The following DST variants were observed in gnomAD, a reference collection of about 807,000 sequenced individuals.
DST encodes dystonin.
A neutral mutation model predicts 875.2 loss-of-function variants in DST; 253 were observed. The observed-to-expected ratio is 0.29, with a 90% CI of 0.26 to 0.32. DST has a LOEUF of 0.32. DST is among the 10% of genes least tolerant of loss of function. The probability of loss-of-function intolerance (pLI) is 1.00; values close to 1 mark genes in which losing one functional copy is unlikely to be tolerated. For missense variants in DST, 8,287 were observed against 9,111.6 expected, an observed-to-expected ratio of 0.91 and a Z score of 3.68; for synonymous variants, 3,124 against 3,197.1, an observed-to-expected ratio of 0.98 and a Z score of 0.77.
Position 56,632,911 on chromosome 6 carries a change from T to C in DST, c.3748A>G (p.Lys1250Glu). 1 of 1,614,008 alleles carries C rather than the reference T, an allele frequency of 6.2e-7. No individual in the cohort carries two copies. Among genetic ancestry groups the C allele is most frequent in the Non-Finnish European group, 8.5e-7 (1 of 1,179,950 alleles). ...TACTGCTTACATACATTAACCTCCT[T>C]TTCCAGTTGTGTTATATCTGAGCCT... is the stretch of plus-strand genomic sequence containing the variant. ...FSGSDITQLE[K>E]EVNVCKQYYQ... is the part of the protein sequence containing the mutation. Residue 1250 changes from lysine to glutamate, a missense_variant, in exon 28 of 104, where the codon AAG (lysine) becomes GAG (glutamate). Lys to Glu is a moderately conservative substitution (Grantham distance 56, BLOSUM62 1). Around this residue, in one of 10 missense-constraint regions of DST, gnomAD observed 3,138 missense variants for 3,116.6 expected, o/e 1.01. Transcript: ENST00000680361.
rs1269995873 is a variant in DST at position 56,472,333 on chromosome 6, A to G, written c.21995-111T>C. Reference sequence around the variant, plus strand: ...ACTGCATCAACTTAATTACGTGTTTACGCAAGTAAAAGTATCCTAATTTAG... The same window carrying G: ...ACTGCATCAACTTAATTACGTGTTTGCGCAAGTAAAAGTATCCTAATTTAG... On this transcript the variant is annotated intron_variant, in intron 93 of 103. Transcript: ENST00000680361. The G allele has an allele frequency of 7.3e-6, 7 of 958,740 alleles. No individual in the cohort carries two copies. In the East Asian group the frequency reaches 1.9e-4, roughly 25 times the overall value. The allele number at this position is 958,740 out of a possible 1,614,324, so 59.4% of individuals were successfully genotyped here.
intron 13 of DST, 141 bp downstream of exon 13, chr6:56,648,429 G>A (rs74526825): frequency 1.6e-6 from 1 of 626,538 alleles, no homozygotes; most frequent in Middle Eastern, 4.3e-4. Context: ...TAAGAGAAAT[G>A]AGTAATACAA....
chr6:56,532,816 T>C (rs1009050763), intron 63 of DST, among the ~76,000 whole-genome samples: 2 of 152,150 alleles, frequency 1.3e-5, no homozygotes, highest in African/African-American at 2.4e-5. Context: ...ATAACTCCAA[T>C]GAATCATGAA....
chr6:56,717,688 A>G (rs1345312828), intron 5 of DST, among the ~76,000 whole-genome samples: 2 of 151,970 alleles, frequency 1.3e-5, no homozygotes, highest in African/African-American at 4.8e-5. Context: ...GAACCCACCA[A>G]TTACTATTTT....
chr6:56,894,617 G>A (rs1449762756), intron 3 of DST, among the ~76,000 whole-genome samples: 1 of 40,104 alleles, frequency 2.5e-5, no homozygotes, highest in Non-Finnish European at 4.4e-5. Flanking sequence ...GGGCAGAGGC[G>A]CCCCTCACCT....
At chr6:56,660,202 T>G (rs542624533) in intron 10 of DST, among the ~76,000 whole-genome samples, 43 of 152,332 alleles carry the variant, frequency 2.8e-4, no homozygotes, top group African/African-American at 9.9e-4. Flanking sequence ...TATCGCTTTC[T>G]CTGGTGTGCT....
chr6:56,533,690 G>T (rs2096939102), intron 63 of DST, among the ~76,000 whole-genome samples: 1 of 152,102 alleles, frequency 6.6e-6, no homozygotes, highest in African/African-American at 2.4e-5. Flanking sequence ...CATGACTCTG[G>T]GAGTTAACTT....
chr6:56,637,970 A>G (rs1273355863), intron 22 of DST, among the ~76,000 whole-genome samples: 1 of 152,022 alleles, frequency 6.6e-6, no homozygotes, highest in Non-Finnish European at 1.5e-5. Context: ...AAGATGTATC[A>G]TATTTTTTTC....
At chr6:56,930,142 T>C (rs1809385905) in intron 2 of DST, among the ~76,000 whole-genome samples, 2 of 152,244 alleles carry the variant, frequency 1.3e-5, no homozygotes, top group African/African-American at 4.8e-5. Context: ...AGGAAGGTGA[T>C]GATGGTTTGC....
rs112640831 is a variant in DST at position 56,629,273 on chromosome 6, A to G, written c.4452T>C (p.Asn1484=). Residue 1484 remains asparagine (N), a synonymous_variant, in exon 32 of 104, where the codon AAT becomes AAC. Transcript: ENST00000680361. The part of the protein sequence containing the change: ...KADQLVERWQ[N]VHVQIDNRLR... Reference sequence around the variant, plus strand: ...ACCTGTTGTCAATCTGCACATGAACATTTTGCCACCTTTCAACTAATTGAT... The same window carrying G: ...ACCTGTTGTCAATCTGCACATGAACGTTTTGCCACCTTTCAACTAATTGAT... The G allele has an allele frequency of 0.038, 61,188 of 1,613,664 alleles. 1,448 individuals are homozygous for G. The highest frequency in any genetic ancestry group is 0.045 in the Non-Finnish European group (53,450 of 1,179,682).
intron 64 of DST, 78 bp from the exon 65 acceptor site, chr6:56,530,211 C>T: frequency 8.8e-7 from 1 of 1,140,772 alleles, no homozygotes. Context: ...CATGCTCTTG[C>T]AATCTATTCT....
intron 61 of DST, among the ~76,000 whole-genome samples, chr6:56,549,192 T>C (rs1187153171): frequency 1.3e-5 from 2 of 152,178 alleles, no homozygotes; most frequent in African/African-American, 2.4e-5. Flanking sequence ...TATTCTCAGT[T>C]CTGCTCAGAA....
At chr6:56,466,696 A>C (rs112715989) in intron 98 of DST, 2 of 152,346 alleles carry the variant, frequency 1.3e-5, no homozygotes, top group African/African-American at 4.8e-5. Flanking sequence ...CTTTTCTGTA[A>C]GGGCAGTTTT....
chr6:56,743,938 G>C (rs974653835), intron 4 of DST, among the ~76,000 whole-genome samples: 1 of 152,128 alleles, frequency 6.6e-6, no homozygotes, highest in African/African-American at 2.4e-5. Context: ...TGGATCACCT[G>C]AGGTCAGGAG....
intron 5 of DST, 78 bp downstream of exon 5, chr6:56,735,150 G>T: frequency 1.1e-6 from 1 of 949,164 alleles, no homozygotes. Flanking sequence ...TTGTGCTTCA[G>T]AGCTATATAA....
chr6:56,816,390 A>AT (rs1459941133), intron 4 of DST, among the ~76,000 whole-genome samples: 1 of 152,140 alleles, frequency 6.6e-6, no homozygotes, highest in East Asian at 1.9e-4. Context: ...ACCTGTTTCT[A>AT]CAGCCCCTTT....
intron 4 of DST, chr6:56,843,098 C>G (rs1209910134): frequency 6.4e-7 from 1 of 1,572,070 alleles, no homozygotes; most frequent in Non-Finnish European, 8.7e-7. Flanking sequence ...GGAGATACTC[C>G]TGCTCCTCCA....
In DST at chr6:56,605,214, T is replaced by C. The variant is rs529231541; in HGVS notation, c.9414A>G (p.Glu3138=). The C allele has an allele frequency of 6.2e-7, 1 of 1,611,622 alleles. No homozygotes were observed. Among genetic ancestry groups the C allele is most frequent in the African/African-American group, 1.3e-5 (1 of 74,864 alleles). ...TGGAAACTGATGTGTCAAAAATTTC[T>C]TCAAGATTCTCAAACTGAACAGGAC... The part of the protein sequence containing the change: ...SKSPVQFENL[E]EIFDTSVSKE... Residue 3138 remains glutamate, a synonymous_variant, in exon 40 of 104, where the codon GAA becomes GAG. Transcript: ENST00000680361.
Position 56,645,882 on chromosome 6 carries a change from G to C in DST, c.1762C>G (p.Arg588Gly). Reference protein sequence around the residue: ...IAMLEREKALRPEVERLEMLQ... With the variant: ...IAMLEREKALGPEVERLEMLQ... Reference sequence around the variant, plus strand: ...CTGGCCTACCTTTCTACTTCTGGACGAAGGGCCTTCTCTCTCTCTAGCATG... The same window carrying C: ...CTGGCCTACCTTTCTACTTCTGGACCAAGGGCCTTCTCTCTCTCTAGCATG... Residue 588 changes from arginine (R) to glycine (G), a missense_variant, in exon 15 of 104, where the codon CGT (arginine) becomes GGT (glycine). This residue lies in a region of DST where 1,160 missense variants were observed against 1,424.3 expected (regional missense o/e 0.81). Transcript: ENST00000680361. 1 of 1,613,696 alleles carries C rather than the reference G, an allele frequency of 6.2e-7. No homozygotes were observed. The highest frequency in any genetic ancestry group is 8.5e-7 in the Non-Finnish European group (1 of 1,179,744).
Sources: gnomAD v4.1 joint callset for allele counts (sites outside exome capture counted in the v4.1 genomes callset) on GRCh38, gnomAD v4.1.1 for gene constraint, gnomAD v4.1.1 regional missense constraint, MANE v1.5 for transcripts, NCBI Gene and HGNC (gene_info 2026-07-23, HGNC 2026-07-21) for gene names.